The following UBXN2A variants were observed in gnomAD, a reference collection of about 807,000 sequenced individuals.
UBXN2A encodes UBX domain protein 2A.
In UBXN2A, 28 loss-of-function variants were observed where a neutral mutation model predicts 28.4. The observed-to-expected ratio is 0.99, with a 90% confidence interval of 0.73 to 1.35. The LOEUF is 1.35. UBXN2A is among the 40% of genes most tolerant of loss of function. UBXN2A has a pLI of 0.00. For synonymous variants in UBXN2A, 97 were observed against 103.6 expected (o/e 0.94, Z 0.39); for missense variants, 253 against 297.9 (o/e 0.85, Z 1.11).
chr2:23,974,017 T>TG (rs70944705), intron 3 of UBXN2A, among the ~76,000 whole-genome samples: 3 of 19,166 alleles, frequency 1.6e-4, no homozygotes, highest in Admixed American at 1.4e-3. Context: ...AAATGATTAA[T>TG]TTTTTTTTTT....
At chr2:23,988,634 G>T (rs1296734761) in intron 6 of UBXN2A, among the ~76,000 whole-genome samples, 2 of 152,070 alleles carry the variant, frequency 1.3e-5, no homozygotes, top group Admixed American at 1.3e-4. Context: ...GATTAAAGTG[G>T]TGTCTACCAG....
At chr2:23,982,817 T>G in intron 4 of UBXN2A, 79 bp from the exon 5 acceptor site, 1 of 1,424,842 alleles carries the variant, frequency 7.0e-7, no homozygotes. Flanking sequence ...TACATATTCA[T>G]TTTTTGTATG....
chr2:23,936,255 A>T (rs968969373), upstream of UBXN2A, among the ~76,000 whole-genome samples: 4 of 152,204 alleles, frequency 2.6e-5, no homozygotes, highest in Admixed American at 2.0e-4. Flanking sequence ...ATACAATGGA[A>T]TCTTATTCAA....
rs1708749637 is a variant in UBXN2A at position 24,003,073 on chromosome 2, T to C, written c.*3206T>C. The C allele has an allele frequency of 6.6e-6, 1 of 152,204 alleles. No homozygotes were observed. Among genetic ancestry groups the C allele is most frequent in the Non-Finnish European group, 1.5e-5 (1 of 68,032 alleles). The allele number at this position is 152,204 out of a possible 1,614,324, so 9.4% of individuals were successfully genotyped here. A position where few individuals can be genotyped will look rare whatever the true frequency, so the allele number is the denominator to read the frequency against. On this transcript the variant is annotated 3_prime_UTR_variant, in exon 7 of 7. Transcript: ENST00000309033. ...ATCATTTGGGGCAGCTTTTCAAAAATGCCATTCCTGCCACCTACCACAAAG... is the reference window on the plus strand; with the variant it reads ...ATCATTTGGGGCAGCTTTTCAAAAACGCCATTCCTGCCACCTACCACAAAG...
intron 2 of UBXN2A, among the ~76,000 whole-genome samples, chr2:23,961,141 GC>G (rs201841927): frequency 0.022 from 3,331 of 151,696 alleles, 371 homozygotes; most frequent in Admixed American, 0.19. Context: ...TGTCACCCAG[GC>G]TGGGGTGCAG....
rs186699384 is a variant in UBXN2A, at chr2:23,954,893, G to A, written c.-14-3408G>A. Among the ~76,000 whole-genome samples the A allele has an allele frequency of 2.0e-5, 3 of 150,736 alleles. No individual in the cohort carries two copies. The East Asian group carries it at 5.8e-4, about 29-fold the overall frequency. On this transcript the variant is annotated intron_variant, in intron 1 of 6. Coordinates refer to ENST00000309033, the MANE Select transcript of UBXN2A (RefSeq NM_181713.4). ...TGCCTCTCAGCCTCCCAAGTAGCTG[G>A]GAATACAGGAGTGTGCCACTGTGCC...
intron 1 of UBXN2A, among the ~76,000 whole-genome samples, chr2:23,946,912 C>G (rs1706114500): frequency 7.6e-6 from 1 of 130,958 alleles, no homozygotes; most frequent in Admixed American, 8.3e-5. Flanking sequence ...TTTTTTGAGA[C>G]AGGGTCTCAC....
chr2:23,939,098 AC>A (rs1291281909), upstream of UBXN2A, among the ~76,000 whole-genome samples: 2 of 152,330 alleles, frequency 1.3e-5, no homozygotes, highest in East Asian at 3.9e-4. Context: ...CTAAAGACTT[AC>A]AAATAAATCC....
intron 1 of UBXN2A, among the ~76,000 whole-genome samples, chr2:23,931,233 G>A (rs1314743457): frequency 1.3e-5 from 2 of 152,076 alleles, no homozygotes; most frequent in African/African-American, 4.8e-5. Context: ...GATCACTTGA[G>A]GCCAGGAGTT....
chr2:23,928,221 G>A (rs1323902573), intron 1 of UBXN2A, among the ~76,000 whole-genome samples: 1 of 149,650 alleles, frequency 6.7e-6, no homozygotes, highest in Non-Finnish European at 1.5e-5. Flanking sequence ...AAGAAAGAAA[G>A]GAAAGAAAGA....
At chr2:23,958,220 A>G (rs1706727683) in intron 1 of UBXN2A, 81 bp from the exon 2 acceptor site, 3 of 1,061,928 alleles carry the variant, frequency 2.8e-6, no homozygotes, top group East Asian at 5.5e-5. Flanking sequence ...CTTTTAAGTA[A>G]TACTTTAGGA....
intron 1 of UBXN2A, among the ~76,000 whole-genome samples, chr2:23,933,919 G>A (rs1705450562): frequency 6.6e-6 from 1 of 151,928 alleles, no homozygotes; most frequent in Non-Finnish European, 1.5e-5. Flanking sequence ...GGCAAAATCA[G>A]AACTATTGAC....
intron 1 of UBXN2A, among the ~76,000 whole-genome samples, chr2:23,943,056 A>G (rs1014483281): frequency 8.6e-5 from 13 of 151,316 alleles, no homozygotes; most frequent in African/African-American, 2.5e-5. Context: ...CCCGGGTTCA[A>G]ACGATTCTCC....
At position 23,992,273 on chromosome 2, in the gene UBXN2A, T is replaced by C. The variant is rs796453518; in HGVS notation, c.585-7399T>C. Among the ~76,000 whole-genome samples the C allele has an allele frequency of 7.2e-5, 11 of 152,120 alleles. 1 individual carries two copies. Among genetic ancestry groups the C allele is most frequent in the African/African-American group, 2.6e-4 (11 of 41,516 alleles). On this transcript the variant is annotated intron_variant, in intron 6 of 6. Coordinates refer to ENST00000309033, the MANE Select transcript of UBXN2A (RefSeq NM_181713.4). Reference sequence around the variant, plus strand: ...GCATGAGCCACCGCGCCCAGCCTAATTTTGGTATTTTTAGTAGAGACAGGG... The same window carrying C: ...GCATGAGCCACCGCGCCCAGCCTAACTTTGGTATTTTTAGTAGAGACAGGG...
intron 6 of UBXN2A, among the ~76,000 whole-genome samples, chr2:23,990,107 G>T (rs1708297489): frequency 6.6e-6 from 1 of 151,762 alleles, no homozygotes; most frequent in Non-Finnish European, 1.5e-5. Context: ...GACTCTCCTT[G>T]TTGAATTCCA....
chr2:23,977,164 GGCCAGCCGGGGAACATA>G, intron 4 of UBXN2A, 89 bp downstream of exon 4: 1 of 987,056 alleles, frequency 1.0e-6, no homozygotes, highest in South Asian at 1.4e-5. Flanking sequence ...AGGAGTTCAA[GGCCAGCCGGGGAACATA>G]GCCAGACCTC....
At chr2:23,958,181 T>C in intron 1 of UBXN2A, 120 bp from the exon 2 acceptor site, 1 of 584,592 alleles carries the variant, frequency 1.7e-6, no homozygotes, top group Non-Finnish European at 2.8e-6. Flanking sequence ...AAATGACAGC[T>C]TTGAGTTTGC....
rs202233084 is a variant in UBXN2A at position 24,003,723 on chromosome 2, C to A, written c.*3856C>A. On this transcript the variant is annotated 3_prime_UTR_variant, in exon 7 of 7. Coordinates refer to ENST00000309033, the MANE Select transcript of UBXN2A (RefSeq NM_181713.4). ...TAGTGAAACAAAAATAATGTTCTTA[C>A]CAAAAAAAAAAAAAAAAAAAAGAGG... The A allele has an allele frequency of 8.4e-6, 1 of 119,204 alleles. No individual in the cohort carries two copies. 7.4% of individuals were successfully genotyped at this position (119,204 alleles called of 1,614,324 possible).
chr2:24,000,861 A>G lies in UBXN2A; in HGVS notation c.*994A>G, dbSNP rs1206332988. 6.6e-6 allele frequency: 1 copy of G among 152,180 alleles called. No homozygotes were observed. The highest frequency in any genetic ancestry group is 1.5e-5 in the Non-Finnish European group (1 of 68,040). The allele number at this position is 152,180 out of a possible 1,614,324, so 9.4% of individuals were successfully genotyped here. A position where few individuals can be genotyped will look rare whatever the true frequency, so the allele number is the denominator to read the frequency against. The stretch of plus-strand genomic sequence containing the variant: ...CTTTCCATTTTATTTTCTTTCAAAA[A>G]TTATGGATTTGTTTTTGGCTAACAT... On this transcript the variant is annotated 3_prime_UTR_variant, in exon 7 of 7. Transcript: ENST00000309033.
Sources: gnomAD v4.1 joint callset for allele counts (sites outside exome capture counted in the v4.1 genomes callset) on GRCh38, gnomAD v4.1.1 for gene constraint, MANE v1.5 for transcripts, NCBI Gene and HGNC (gene_info 2026-07-23, HGNC 2026-07-21) for gene names.